The following ZSCAN5A variants were observed in gnomAD, a reference collection of about 807,000 sequenced individuals.
ZSCAN5A encodes the protein zinc finger and SCAN domain-containing protein 5A.
ZSCAN5A carries 12 observed loss-of-function variants against 23.7 expected under a neutral mutation model. The observed-to-expected ratio is 0.51, with a 90% CI of 0.32 to 0.82. The LOEUF is 0.82. ZSCAN5A is among the 40% of genes least tolerant of loss of function. ZSCAN5A has a pLI of 0.03. For synonymous variants in ZSCAN5A, 257 were observed against 239.9 expected, an observed-to-expected ratio of 1.07 and a Z score of -0.66; for missense variants, 597 against 617.9, an observed-to-expected ratio of 0.97 and a Z score of 0.36.
intron 1 of ZSCAN5A, among the ~76,000 whole-genome samples, chr19:56,366,948 A>G (rs762038926): frequency 1.3e-5 from 2 of 152,226 alleles, no homozygotes; most frequent in Non-Finnish European, 1.5e-5. Flanking sequence ...CTAATAGGCA[A>G]AATACACAGA....
At chr19:56,345,143 T>A (rs1198328791) in intron 2 of ZSCAN5A, among the ~76,000 whole-genome samples, 1 of 152,078 alleles carries the variant, frequency 6.6e-6, no homozygotes, top group South Asian at 2.1e-4. Flanking sequence ...TGCTGGCAAT[T>A]CTTAAGACAT....
rs559357338 is a variant in ZSCAN5A at position 56,295,348 on chromosome 19, C to G, written c.-128+17935G>C. On this transcript the variant is annotated intron_variant, in intron 2 of 5. Transcript: ENST00000683990. ...GTAGCTCACACCTGTAATCCCAGCA[C>G]TTTGGGAGGCTGATGCGGGCGGATC... 5.9e-5 allele frequency among the ~76,000 whole-genome samples: 9 copies of G among 152,194 alleles called. No homozygotes were observed. The East Asian group carries it at 1.7e-3, about 29-fold the overall frequency.
chr19:56,301,841 AATTTCAATTCAGGAGGCAGGCAGAG>A, intron 2 of ZSCAN5A: 1 of 1,162,176 alleles, frequency 8.6e-7, no homozygotes, highest in East Asian at 3.2e-5. Context: ...TGTGGACCAA[AATTTCAATTCAGGAGGCAGGCAGAG>A]ATGTGAGTTT....
intron 2 of ZSCAN5A, among the ~76,000 whole-genome samples, chr19:56,337,382 C>T (rs1297264159): frequency 6.6e-6 from 1 of 152,230 alleles, no homozygotes; most frequent in African/African-American, 2.4e-5. Context: ...CCCTCCAAGC[C>T]ATGTGTGGGA....
intron 2 of ZSCAN5A, among the ~76,000 whole-genome samples, chr19:56,362,810 G>A (rs2041742610): frequency 6.6e-6 from 1 of 151,458 alleles, no homozygotes; most frequent in African/African-American, 2.4e-5. Flanking sequence ...AGCAGAGCTT[G>A]CAGTGAGCCA....
intron 2 of ZSCAN5A, chr19:56,302,819 C>T (rs937281494): frequency 1.3e-5 from 5 of 398,580 alleles, no homozygotes; most frequent in Admixed American, 4.4e-5. Flanking sequence ...CTCTCTCTGC[C>T]GCTGTCTCTT....
At chr19:56,284,927 G>T in intron 2 of ZSCAN5A, 1 of 788,634 alleles carries the variant, frequency 1.3e-6, no homozygotes, top group Non-Finnish European at 1.5e-6. Context: ...GTTGAACTGG[G>T]AGAAATCCAT....
At chr19:56,361,732 C>A (rs931788276) in intron 2 of ZSCAN5A, among the ~76,000 whole-genome samples, 4 of 151,878 alleles carry the variant, frequency 2.6e-5, no homozygotes, top group Non-Finnish European at 5.9e-5. Flanking sequence ...AGGAGAGTAT[C>A]AAAAGAAATA....
At chr19:56,342,621 T>G in intron 2 of ZSCAN5A, 1 of 459,416 alleles carries the variant, frequency 2.2e-6, no homozygotes, top group Non-Finnish European at 4.2e-6. Context: ...TCTTCCTTGA[T>G]TAGGGAAAAA....
chr19:56,359,846 A>G (rs2041723360), intron 2 of ZSCAN5A, among the ~76,000 whole-genome samples: 1 of 152,236 alleles, frequency 6.6e-6, no homozygotes, highest in African/African-American at 2.4e-5. Flanking sequence ...ATCTTAACAG[A>G]TGCAGAAAAG....
chr19:56,364,629 A>G (rs34175124), intron 1 of ZSCAN5A, among the ~76,000 whole-genome samples: 14,708 of 152,236 alleles, frequency 0.097, 845 homozygotes, highest in African/African-American at 0.15. Context: ...CCATAGAGAG[A>G]TATGTTCATA....
chr19:56,238,938 C>G (rs765449369), intron 2 of ZSCAN5A, among the ~76,000 whole-genome samples: 3 of 152,154 alleles, frequency 2.0e-5, no homozygotes, highest in African/African-American at 7.2e-5. Context: ...GTTCATTCCA[C>G]TTAATAACTC....
intron 2 of ZSCAN5A, among the ~76,000 whole-genome samples, chr19:56,235,218 C>T (rs1457228766): frequency 6.8e-5 from 3 of 44,248 alleles, no homozygotes; most frequent in Non-Finnish European, 1.4e-4. Flanking sequence ...GGCCAAGTCT[C>T]CACTCCAGCC....
intron 2 of ZSCAN5A, among the ~76,000 whole-genome samples, chr19:56,236,005 T>G (rs1302304187): frequency 1.6e-4 from 9 of 54,866 alleles, no homozygotes; most frequent in East Asian, 5.2e-4. Flanking sequence ...AGCCTCTGAT[T>G]GACCGTGGGC....
At chr19:56,335,244 GAA>G (rs34944246) in intron 2 of ZSCAN5A, among the ~76,000 whole-genome samples, 70 of 146,976 alleles carry the variant, frequency 4.8e-4, no homozygotes, top group East Asian at 2.6e-3. Flanking sequence ...GACAAGGATA[GAA>G]AAAAAAAAAA....
intron 2 of ZSCAN5A, chr19:56,342,454 C>A: frequency 2.6e-6 from 1 of 389,656 alleles, no homozygotes; most frequent in South Asian, 2.6e-5. Context: ...GGGTTAAGCT[C>A]TGGAGAATTT....
intron 2 of ZSCAN5A, among the ~76,000 whole-genome samples, chr19:56,227,292 AC>A (rs2034044140): frequency 6.6e-6 from 1 of 152,248 alleles, no homozygotes; most frequent in South Asian, 2.1e-4. Context: ...ATAAATATAT[AC>A]AATTTTTAGT....
intron 2 of ZSCAN5A, among the ~76,000 whole-genome samples, chr19:56,253,114 C>T (rs1362231362): frequency 6.6e-6 from 1 of 152,160 alleles, no homozygotes; most frequent in Non-Finnish European, 1.5e-5. Flanking sequence ...TGGTAACTGA[C>T]ACAGAAGCCC....
intron 2 of ZSCAN5A, chr19:56,322,133 T>C: frequency 1.3e-6 from 1 of 766,286 alleles, no homozygotes; most frequent in Non-Finnish European, 2.4e-6. Context: ...AGTCAGTAGC[T>C]GAGCGTCTCT....
Sources: allele counts gnomAD v4.1 joint callset (sites outside exome capture counted in the v4.1 genomes callset), GRCh38; gene constraint gnomAD v4.1.1; transcripts MANE v1.5; gene names NCBI Gene and HGNC (gene_info 2026-07-23, HGNC 2026-07-21).